Variants in GLTP observed in about 807,000 individuals in gnomAD.
The protein encoded by GLTP is glycolipid transfer protein.
A neutral mutation model predicts 24.0 loss-of-function variants in GLTP; 22 were observed. That is an observed-to-expected ratio of 0.92 (90% CI 0.65 to 1.31). The LOEUF (loss-of-function observed/expected upper bound fraction) is 1.31. GLTP is among the 50% of genes most tolerant of loss of function. The probability of loss-of-function intolerance (pLI) is 0.00; values close to 1 mark genes in which losing one functional copy is unlikely to be tolerated. For missense variants in GLTP, 224 were observed against 276.6 expected (o/e 0.81, Z 1.35); for synonymous variants, 92 against 115.9 (o/e 0.79, Z 1.33).
intron 1 of GLTP, among the ~76,000 whole-genome samples, chr12:109,862,537 G>C (rs1868396026): frequency 6.6e-6 from 1 of 152,220 alleles, no homozygotes; most frequent in Non-Finnish European, 1.5e-5. Flanking sequence ...AACCCATGCA[G>C]ACGTATGGCT....
At chr12:109,864,760 C>A (rs534293882) in intron 1 of GLTP, among the ~76,000 whole-genome samples, 2 of 152,182 alleles carry the variant, frequency 1.3e-5, no homozygotes, top group Non-Finnish European at 2.9e-5. Flanking sequence ...GTCCTGTGAA[C>A]TCAGAGAAAA....
Position 109,864,663 on chromosome 12 carries a change from T to C in GLTP, c.104-5922A>G, listed in dbSNP as rs573872719. ...GGAGTGCCAGGAACTCAGACACAAT[T>C]CCAGAGCCAAAGCTGCTTCCACTAC... On this transcript the variant is annotated intron_variant, in intron 1 of 4. Transcript: ENST00000318348. Among the ~76,000 whole-genome samples the C allele has an allele frequency of 5.9e-5, 9 of 152,118 alleles. No homozygotes were observed. In the East Asian group the frequency reaches 1.4e-3, roughly 23 times the overall value.
intron 1 of GLTP, among the ~76,000 whole-genome samples, chr12:109,873,469 G>C (rs1236786157): frequency 2.0e-5 from 3 of 151,864 alleles, no homozygotes; most frequent in African/African-American, 2.4e-5. Context: ...CCTGTCTCTA[G>C]TGAAAATACA....
At chr12:109,867,869 C>G (rs1868581096) in intron 1 of GLTP, among the ~76,000 whole-genome samples, 1 of 151,192 alleles carries the variant, frequency 6.6e-6, no homozygotes, top group African/African-American at 2.4e-5. Flanking sequence ...GCTCCGCCTT[C>G]TGGGTTCACG....
chr12:109,879,406 C>T (rs1227147884), intron 1 of GLTP, among the ~76,000 whole-genome samples: 1 of 152,170 alleles, frequency 6.6e-6, no homozygotes, highest in Non-Finnish European at 1.5e-5. Context: ...GGGGCCTTGG[C>T]TGGACTGGGC....
At chr12:109,871,249 AT>A (rs935411604) in intron 1 of GLTP, among the ~76,000 whole-genome samples, 8 of 150,176 alleles carry the variant, frequency 5.3e-5, no homozygotes, top group African/African-American at 1.2e-4. Context: ...CACCTGGCCA[AT>A]TTTTTTTTGT....
chr12:109,864,327 A>G (rs181345180), intron 1 of GLTP, among the ~76,000 whole-genome samples: 1 of 152,286 alleles, frequency 6.6e-6, no homozygotes, highest in East Asian at 1.9e-4. Context: ...AAGCATCTGG[A>G]GGTGGGCTGC....
chr12:109,852,717 G>C lies in GLTP; in HGVS notation c.468C>G (p.Pro156=). ...KIFQAALYAA[P]YKSDFLKALS... Reference sequence around the variant, plus strand: ...GCGCTTTCAGGAAGTCAGACTTATAGGGTGCTGCGTACAGTGCTGCCTTGA... The same window carrying C: ...GCGCTTTCAGGAAGTCAGACTTATACGGTGCTGCGTACAGTGCTGCCTTGA... Residue 156 remains proline, a synonymous_variant, in exon 5 of 5, where the codon CCC becomes CCG. Transcript: ENST00000318348. The C allele has an allele frequency of 6.2e-7, 1 of 1,612,440 alleles. No homozygotes were observed. The highest frequency in any genetic ancestry group is 8.5e-7 in the Non-Finnish European group (1 of 1,178,538).
intron 1 of GLTP, among the ~76,000 whole-genome samples, chr12:109,875,793 C>T (rs1316599103): frequency 6.6e-6 from 1 of 152,226 alleles, no homozygotes; most frequent in African/African-American, 2.4e-5. Flanking sequence ...CCGCAGCCAG[C>T]GCCCACTGAA....
intron 1 of GLTP, among the ~76,000 whole-genome samples, chr12:109,869,459 T>TC (rs1868650534): frequency 7.0e-6 from 1 of 142,894 alleles, no homozygotes; most frequent in African/African-American, 2.6e-5. Context: ...GAAAATTCTT[T>TC]TTTTTTTTTT....
intron 1 of GLTP, among the ~76,000 whole-genome samples, chr12:109,864,376 G>A (rs1043264595): frequency 2.0e-5 from 3 of 152,218 alleles, no homozygotes; most frequent in Admixed American, 6.5e-5. Context: ...CAGTGGCACT[G>A]AAGCAGTGGC....
At chr12:109,862,664 C>A (rs974346462) in intron 1 of GLTP, among the ~76,000 whole-genome samples, 6 of 152,036 alleles carry the variant, frequency 3.9e-5, no homozygotes, top group Admixed American at 3.9e-4. Context: ...GTGGGAGGAT[C>A]GTTCAAGCCC....
intron 1 of GLTP, among the ~76,000 whole-genome samples, chr12:109,873,678 A>C (rs1672505391): frequency 6.7e-6 from 1 of 149,842 alleles, no homozygotes; most frequent in African/African-American, 2.5e-5. Context: ...GCGCCGTGGC[A>C]CACGCCTATA....
chr12:109,852,694 G>C lies in GLTP; in HGVS notation c.491C>G (p.Ala164Gly), dbSNP rs765443290. The change falls in exon 5 of 5, where the codon GCG (alanine) becomes GGG (glycine). Residue 164 changes from alanine (A) to glycine (G), a missense_variant. Coordinates refer to ENST00000318348, the MANE Select transcript of GLTP (RefSeq NM_016433.4). ...CGTAACATTCTGCCCCTTGGAGAGC[G>C]CTTTCAGGAAGTCAGACTTATAGGG... is the stretch of plus-strand genomic sequence containing the variant. Reference protein sequence around the residue: ...AAPYKSDFLKALSKGQNVTEE... With the variant: ...AAPYKSDFLKGLSKGQNVTEE... The C allele has an allele frequency of 6.8e-6, 11 of 1,612,276 alleles. No individual in the cohort carries two copies. Among genetic ancestry groups the C allele is most frequent in the Non-Finnish European group, 9.3e-6 (11 of 1,178,460 alleles).
At chr12:109,863,495 A>G (rs1868427663) in intron 1 of GLTP, among the ~76,000 whole-genome samples, 1 of 152,196 alleles carries the variant, frequency 6.6e-6, no homozygotes, top group Non-Finnish European at 1.5e-5. Flanking sequence ...TGTGGAATGA[A>G]TGAATGAGTG....
At chr12:109,863,767 C>A (rs1237217248) in intron 1 of GLTP, among the ~76,000 whole-genome samples, 2 of 152,172 alleles carry the variant, frequency 1.3e-5, no homozygotes, top group Non-Finnish European at 1.5e-5. Context: ...AAAGCACTGA[C>A]CACGATTGTT....
rs754525285 is a variant in GLTP at position 109,880,306 on chromosome 12, G to C, written c.69C>G (p.Phe23Leu). Residue 23 changes from phenylalanine (F) to leucine (L), a missense_variant, in exon 1 of 5, where the codon TTC (phenylalanine) becomes TTG (leucine). By Grantham distance (22) the Phe-to-Leu change is conservative (BLOSUM62 0). Transcript: ENST00000318348. This position sits in a 1 kb window ranked among gnomAD's most constrained non-coding sequence, Gnocchi z 5.1. ...GCGGCAGGTGGGACACCGCCTCGAG[G>C]AAGGGCCCGGTCTCGATCTGCTTGT... is the stretch of plus-strand genomic sequence containing the variant. The part of the protein sequence containing the change: ...PADKQIETGP[F>L]LEAVSHLPPF... The C allele has an allele frequency of 5.0e-6, 8 of 1,606,514 alleles. No homozygotes were observed. In the Admixed American group the frequency reaches 5.0e-5, roughly 10 times the overall value.
chr12:109,856,429 G>T (rs913289008), intron 3 of GLTP, among the ~76,000 whole-genome samples: 7 of 152,286 alleles, frequency 4.6e-5, no homozygotes, highest in East Asian at 3.9e-4. Context: ...CTCATCTCTT[G>T]CTTCCCTGGG....
intron 1 of GLTP, among the ~76,000 whole-genome samples, chr12:109,859,233 T>A (rs576085930): frequency 2.4e-4 from 36 of 152,070 alleles, no homozygotes; most frequent in African/African-American, 7.5e-4. Context: ...TAAAAAAAAA[T>A]TTTTGGCCTG....
Sources: gnomAD v4.1 joint callset for allele counts (sites outside exome capture counted in the v4.1 genomes callset) on GRCh38, gnomAD v4.1.1 for gene constraint, Gnocchi (gnomAD v3.1) non-coding constraint, MANE v1.5 for transcripts, NCBI Gene and HGNC (gene_info 2026-07-23, HGNC 2026-07-21) for gene names.